AKAP13: variants seen among roughly 807,000 people sequenced by gnomAD.
AKAP13 encodes A-kinase anchoring protein 13.
Under a neutral mutation model 264.5 loss-of-function variants are expected in AKAP13, and 80 were observed. That is an observed-to-expected ratio of 0.30 (90% confidence interval 0.25 to 0.36). The LOEUF (loss-of-function observed/expected upper bound fraction) is 0.36, where lower values mean the gene tolerates loss of function less well. AKAP13 is among the 10% of genes least tolerant of loss of function. The pLI is 1.00. For missense variants in AKAP13, 3,712 were observed against 3,435.2 expected (o/e 1.08, Z -2.01); for synonymous variants, 1,380 against 1,250.2 (o/e 1.10, Z -2.19).
chr15:85,587,589 T>C (rs2079411962), intron 8 of AKAP13, among the ~76,000 whole-genome samples: 2 of 152,208 alleles, frequency 1.3e-5, no homozygotes, highest in African/African-American at 4.8e-5. Flanking sequence ...TTCAAAAATA[T>C]TTTTCTTCAA....
intron 4 of AKAP13, chr15:85,534,377 T>C (rs944201687): frequency 6.3e-6 from 1 of 158,738 alleles, no homozygotes; most frequent in African/African-American, 2.4e-5. Flanking sequence ...TCACTCTTAC[T>C]GACTTTATCT....
At chr15:85,725,382 G>C (rs760645235) in intron 26 of AKAP13, among the ~76,000 whole-genome samples, 2 of 151,786 alleles carry the variant, frequency 1.3e-5, no homozygotes, top group Admixed American at 6.6e-5. Flanking sequence ...CTGCTTTTTT[G>C]GGGGGAGGGG....
At chr15:85,736,883 T>C (rs1010201584) in intron 33 of AKAP13, among the ~76,000 whole-genome samples, 8 of 150,298 alleles carry the variant, frequency 5.3e-5, no homozygotes, top group Non-Finnish European at 1.0e-4. Flanking sequence ...TAATTTCTTA[T>C]CCTTCAAGTA....
chr15:85,677,736 G>T (rs1325284163), intron 14 of AKAP13, among the ~76,000 whole-genome samples: 1 of 150,434 alleles, frequency 6.6e-6, no homozygotes, highest in Non-Finnish European at 1.5e-5. Flanking sequence ...CCAGGTTCAC[G>T]CCATTCTTCT....
chr15:85,399,684 T>A (rs1462369306), intron 1 of AKAP13, among the ~76,000 whole-genome samples: 1 of 151,970 alleles, frequency 6.6e-6, no homozygotes, highest in Non-Finnish European at 1.5e-5. Context: ...TACTGTCCTC[T>A]TAGGTGCTAA....
rs372734954 is a variant in AKAP13 at position 85,646,548 on chromosome 15, GAATT to G, written c.4374+601_4374+604del. On this transcript the variant is annotated intron_variant, in intron 10 of 36. Coordinates refer to ENST00000394518, the MANE Select transcript of AKAP13 (RefSeq NM_007200.5). Reference sequence around the variant, plus strand: ...GTCAGAAGAAATGGAAGTTCCTTTAGAATTAATTAAGTCAGATGACAGTGAACAC... The same window carrying G: ...GTCAGAAGAAATGGAAGTTCCTTTAGAATTAAGTCAGATGACAGTGAACAC... Among the ~76,000 whole-genome samples the G allele has an allele frequency of 1.9e-4, 29 of 152,324 alleles. No individual in the cohort carries two copies. The East Asian group carries it at 2.3e-3, about 12-fold the overall frequency.
At chr15:85,695,486 A>G (rs1209286930) in intron 17 of AKAP13, among the ~76,000 whole-genome samples, 2 of 152,178 alleles carry the variant, frequency 1.3e-5, no homozygotes, top group Admixed American at 1.3e-4. Context: ...TCTTGCTTGG[A>G]AGAGGAGGAG....
In AKAP13 at chr15:85,639,525, C is replaced by T. The variant is rs533589899; in HGVS notation, c.4237+76C>T. The T allele has an allele frequency of 5.1e-5, 54 of 1,067,518 alleles. No homozygotes were observed. In the African/African-American group the frequency reaches 8.4e-4, roughly 17 times the overall value. The allele number at this position is 1,067,518 out of a possible 1,614,324, so 66.1% of individuals were successfully genotyped here. ...AGATCGTTTTATTTGGAGATCTGCC[C>T]TTCCTTAGCATGTTATACAGTAAAT... is the stretch of plus-strand genomic sequence containing the variant. On this transcript the variant is annotated intron_variant, in intron 9 of 36. Transcript: ENST00000394518.
intron 1 of AKAP13, among the ~76,000 whole-genome samples, chr15:85,408,738 A>AGAGTTGT (rs1177333567): frequency 1.3e-5 from 2 of 151,864 alleles, no homozygotes; most frequent in Non-Finnish European, 2.9e-5. Flanking sequence ...AATGGACACT[A>AGAGTTGT]GAGTTGTTTC....
chr15:85,405,163 T>C (rs1281421914), intron 1 of AKAP13, among the ~76,000 whole-genome samples: 1 of 152,230 alleles, frequency 6.6e-6, no homozygotes, highest in Non-Finnish European at 1.5e-5. Context: ...AGTTTTGTCT[T>C]GGTGTCTTGT....
At chr15:85,432,999 TTTC>T (rs2073091625) in intron 1 of AKAP13, among the ~76,000 whole-genome samples, 1 of 152,102 alleles carries the variant, frequency 6.6e-6, no homozygotes, top group Admixed American at 6.5e-5. Context: ...ACATTTTAGT[TTTC>T]TTCTTGCTTT....
intron 8 of AKAP13, among the ~76,000 whole-genome samples, chr15:85,608,662 T>C (rs2080463033): frequency 2.0e-5 from 3 of 152,196 alleles, no homozygotes; most frequent in African/African-American, 7.2e-5. Context: ...CTAAGGTGGA[T>C]AGGCGAGAGA....
At chr15:85,530,779 C>A (rs146457600) in intron 3 of AKAP13, among the ~76,000 whole-genome samples, 1 of 152,168 alleles carries the variant, frequency 6.6e-6, no homozygotes, top group African/African-American at 2.4e-5. Flanking sequence ...ATCCATCCAT[C>A]GTTCATCATC....
At chr15:85,501,128 A>C (rs1173699330) in intron 2 of AKAP13, among the ~76,000 whole-genome samples, 1 of 152,156 alleles carries the variant, frequency 6.6e-6, no homozygotes, top group Non-Finnish European at 1.5e-5. Flanking sequence ...TTTTCTTCTC[A>C]ATCACCTCTT....
intron 8 of AKAP13, among the ~76,000 whole-genome samples, chr15:85,625,402 C>G (rs1043917235): frequency 6.6e-6 from 1 of 152,180 alleles, no homozygotes; most frequent in Admixed American, 6.5e-5. Flanking sequence ...CAAGCCTAGT[C>G]TCAGAACTGA....
At chr15:85,744,071 C>G (rs940188811) in intron 36 of AKAP13, 12 of 505,962 alleles carry the variant, frequency 2.4e-5, no homozygotes, top group Admixed American at 7.2e-5. Flanking sequence ...ATTATCCGAT[C>G]GAGGAACTGG....
rs183835137 is a variant in AKAP13 at position 85,442,573 on chromosome 15, T to C, written c.-11-43137T>C. 2.0e-3 allele frequency among the ~76,000 whole-genome samples: 283 copies of C among 141,412 alleles called. 3 individuals are homozygous for C. Among genetic ancestry groups the C allele is most frequent in the African/African-American group, 7.1e-3 (272 of 38,166 alleles). 92.8% of individuals were successfully genotyped at this position (141,412 alleles called of 152,430 possible). On this transcript the variant is annotated intron_variant, in intron 1 of 36. Coordinates refer to ENST00000394518, the MANE Select transcript of AKAP13 (RefSeq NM_007200.5). ...ATATTTATTTCTAGCATGAGAATGA[T>C]GAAACTCTTCTTAAAACATTTTATT...
intron 2 of AKAP13, among the ~76,000 whole-genome samples, chr15:85,488,777 C>G (rs1435408511): frequency 1.3e-5 from 2 of 152,196 alleles, no homozygotes; most frequent in Non-Finnish European, 1.5e-5. Context: ...CACATAGAGA[C>G]TCTAGAAGGA....
At chr15:85,651,732 A>G (rs539456268) in intron 10 of AKAP13, 1 of 152,360 alleles carries the variant, frequency 6.6e-6, no homozygotes, top group Admixed American at 6.5e-5. Flanking sequence ...GTCTCTTCTC[A>G]GTCGGTCTCC....
Sources: allele counts gnomAD v4.1 joint callset (sites outside exome capture counted in the v4.1 genomes callset), GRCh38; gene constraint gnomAD v4.1.1; transcripts MANE v1.5; gene names NCBI Gene and HGNC (gene_info 2026-07-23, HGNC 2026-07-21).